The following MSRB3 variants were observed in gnomAD, a reference collection of about 807,000 sequenced individuals.
The protein encoded by MSRB3 is methionine sulfoxide reductase B3, also known as methionine-R-sulfoxide reductase B3.
In MSRB3, 13 loss-of-function variants were observed where a neutral mutation model predicts 21.0. The ratio of observed to expected loss-of-function variants is 0.62; its 90% CI spans 0.40 to 0.98. MSRB3 has a LOEUF of 0.98. Among genes scored for constraint, MSRB3 ranks in the 50% least tolerant of loss-of-function variants. The pLI, the probability that MSRB3 is intolerant of heterozygous loss-of-function variation, is 0.00. For missense variants in MSRB3, 199 were observed against 230.3 expected, an observed-to-expected ratio of 0.86 and a Z score of 0.88; for synonymous variants, 87 against 88.6, an observed-to-expected ratio of 0.98 and a Z score of 0.10.
At chr12:65,418,668 TCTGAAC>T in intron 5 of MSRB3, 1 of 654,904 alleles carries the variant, frequency 1.5e-6, no homozygotes, top group Non-Finnish European at 2.7e-6. Flanking sequence ...TTTTTTAACC[TCTGAAC>T]TTTTTATTGG....
At chr12:65,420,588 A>G (rs1305534792) in intron 5 of MSRB3, among the ~76,000 whole-genome samples, 1 of 152,118 alleles carries the variant, frequency 6.6e-6, no homozygotes, top group African/African-American at 2.4e-5. Context: ...TACTAAGCCT[A>G]GTGCCCAATA....
chr12:65,375,644 G>A (rs2136546699), intron 5 of MSRB3, among the ~76,000 whole-genome samples: 2 of 151,932 alleles, frequency 1.3e-5, no homozygotes, highest in Admixed American at 6.6e-5. Flanking sequence ...TTGCCATGTT[G>A]CCCAGGCTAG....
chr12:65,351,819 C>T (rs911311741), intron 4 of MSRB3, among the ~76,000 whole-genome samples: 10 of 151,850 alleles, frequency 6.6e-5, no homozygotes, highest in African/African-American at 2.2e-4. Flanking sequence ...TGGCAATAAT[C>T]GATAGTTTAC....
At chr12:65,283,220 A>G (rs1301124648) in intron 1 of MSRB3, among the ~76,000 whole-genome samples, 1 of 152,122 alleles carries the variant, frequency 6.6e-6, no homozygotes, top group Non-Finnish European at 1.5e-5. Context: ...CCTCTTCTCT[A>G]TCACAACAGG....
At chr12:65,351,598 C>G (rs1412138440) in intron 4 of MSRB3, among the ~76,000 whole-genome samples, 2 of 149,070 alleles carry the variant, frequency 1.3e-5, no homozygotes, top group Non-Finnish European at 2.9e-5. Flanking sequence ...AGAGAAGAAT[C>G]AAATAGACAC....
intron 2 of MSRB3, among the ~76,000 whole-genome samples, chr12:65,320,903 C>T (rs1391828484): frequency 3.3e-5 from 5 of 152,082 alleles, no homozygotes; most frequent in Non-Finnish European, 7.4e-5. Context: ...CTGTCTCTGC[C>T]ACTGGAATAT....
At chr12:65,374,333 C>G (rs1417964897) in intron 5 of MSRB3, among the ~76,000 whole-genome samples, 1 of 152,136 alleles carries the variant, frequency 6.6e-6, no homozygotes, top group Non-Finnish European at 1.5e-5. Context: ...CATATATTTA[C>G]TGGGCATACC....
At chr12:65,439,338 G>A (rs527728993) in intron 5 of MSRB3, among the ~76,000 whole-genome samples, 2 of 151,724 alleles carry the variant, frequency 1.3e-5, no homozygotes, top group South Asian at 4.1e-4. Context: ...TAGTTACGGT[G>A]GATAACTTTG....
chr12:65,323,625 T>G (rs1346984370), intron 2 of MSRB3, among the ~76,000 whole-genome samples: 1 of 152,150 alleles, frequency 6.6e-6, no homozygotes, highest in Non-Finnish European at 1.5e-5. Context: ...CCCTGTGTAA[T>G]AAGAAAATTA....
intron 5 of MSRB3, among the ~76,000 whole-genome samples, chr12:65,403,962 G>A (rs1592604741): frequency 6.6e-6 from 1 of 152,306 alleles, no homozygotes; most frequent in African/African-American, 2.4e-5. Flanking sequence ...CCAGTGAGAT[G>A]AGCCAGGTAC....
At chr12:65,424,027 C>T (rs1881454701) in intron 5 of MSRB3, among the ~76,000 whole-genome samples, 1 of 152,108 alleles carries the variant, frequency 6.6e-6, no homozygotes, top group African/African-American at 2.4e-5. Context: ...TGATTGGTCT[C>T]TTCACATTTT....
intron 5 of MSRB3, among the ~76,000 whole-genome samples, chr12:65,388,392 C>T (rs1253636758): frequency 6.6e-6 from 1 of 152,100 alleles, no homozygotes; most frequent in Non-Finnish European, 1.5e-5. Context: ...AGTTCAGCTC[C>T]CACTTGTTTC....
At chr12:65,322,660 C>CAAAAAAAAAAA (rs34770864) in intron 2 of MSRB3, among the ~76,000 whole-genome samples, 1 of 87,620 alleles carries the variant, frequency 1.1e-5, no homozygotes, top group African/African-American at 4.7e-5. Flanking sequence ...GACTCCATCT[C>CAAAAAAAAAAA]AAAAAAAAAA....
At chr12:65,362,459 C>T (rs1424597469) in intron 4 of MSRB3, among the ~76,000 whole-genome samples, 3 of 152,098 alleles carry the variant, frequency 2.0e-5, no homozygotes, top group African/African-American at 4.8e-5. Context: ...TTAGTCCAAT[C>T]GTGATTCATC....
chr12:65,292,519 ATCT>A (rs1223527129), intron 1 of MSRB3, among the ~76,000 whole-genome samples: 10 of 151,864 alleles, frequency 6.6e-5, no homozygotes, highest in African/African-American at 2.4e-4. Context: ...CTCCTTCTTG[ATCT>A]TCTTTGCTAG....
chr12:65,419,621 C>T (rs892430239), intron 5 of MSRB3: 8 of 711,370 alleles, frequency 1.1e-5, no homozygotes, highest in South Asian at 4.3e-5. Flanking sequence ...CTCAGGTCCT[C>T]GATGGTCTTG....
At chr12:65,435,047 AC>A (rs1882054466) in intron 5 of MSRB3, among the ~76,000 whole-genome samples, 1 of 151,780 alleles carries the variant, frequency 6.6e-6, no homozygotes, top group African/African-American at 2.4e-5. Context: ...TTAGAGGTAG[AC>A]TCCACGGCAC....
chr12:65,431,047 ATTACT>A (rs1281458414), intron 5 of MSRB3, among the ~76,000 whole-genome samples: 1 of 152,104 alleles, frequency 6.6e-6, no homozygotes, highest in Non-Finnish European at 1.5e-5. Flanking sequence ...ACTTCATTAG[ATTACT>A]TTAGTGAGTA....
At chr12:65,326,490 G>A (rs1875038832) in intron 2 of MSRB3, among the ~76,000 whole-genome samples, 2 of 151,792 alleles carry the variant, frequency 1.3e-5, no homozygotes, top group Admixed American at 1.3e-4. Context: ...ATAGACTTAT[G>A]CTTTTGAATT....
Sources: gnomAD v4.1 joint callset for allele counts (sites outside exome capture counted in the v4.1 genomes callset) on GRCh38, gnomAD v4.1.1 for gene constraint, MANE v1.5 for transcripts, NCBI Gene and HGNC (gene_info 2026-07-23, HGNC 2026-07-21) for gene names.